Variants in PADI4 observed in about 807,000 individuals in gnomAD.
PADI4 encodes peptidyl arginine deiminase 4, also known as protein-arginine deiminase type-4.
Under a neutral mutation model 75.0 loss-of-function variants are expected in PADI4, and 62 were observed. That is an observed-to-expected ratio of 0.83 (90% CI 0.67 to 1.02). The LOEUF (loss-of-function observed/expected upper bound fraction) is 1.02. PADI4 is among the 50% of genes least tolerant of loss of function. The pLI, the probability that PADI4 is intolerant of heterozygous loss-of-function variation, is 0.00. For missense variants in PADI4, 845 were observed against 850.5 expected, an observed-to-expected ratio of 0.99 and a Z score of 0.08; for synonymous variants, 361 against 348.1, an observed-to-expected ratio of 1.04 and a Z score of -0.41.
At chr1:17,330,399 G>C (rs571530967) in intron 1 of PADI4, among the ~76,000 whole-genome samples, 4 of 152,266 alleles carry the variant, frequency 2.6e-5, no homozygotes, top group African/African-American at 9.6e-5. Context: ...TTATTAGGGA[G>C]AACTGGCTCA....
At position 17,359,407 on chromosome 1, in the gene PADI4, T is replaced by C; in HGVS notation, c.1757T>C (p.Met586Thr). 1 of 1,613,754 alleles carries C rather than the reference T, an allele frequency of 6.2e-7. No homozygotes were observed. The highest frequency in any genetic ancestry group is 8.5e-7 in the Non-Finnish European group (1 of 1,179,864). The change falls in exon 15 of 16, where the codon ATG becomes ACG. Residue 586 changes from methionine to threonine, a missense_variant and splice_region_variant. Physicochemically the swap from Met to Thr is moderately conservative, Grantham distance 81. Coordinates refer to ENST00000375448, the MANE Select transcript of PADI4 (RefSeq NM_012387.3). ...FSKAEAFFPN[M>T]VNMLVLGKHL... ...AAGGCGGAAGCTTTTTTCCCCAACATGGTGAGGAGGTGGCGGCTTTAAAAC... is the reference window on the plus strand; with the variant it reads ...AAGGCGGAAGCTTTTTTCCCCAACACGGTGAGGAGGTGGCGGCTTTAAAAC...
At chr1:17,360,767 A>G (rs111760817) in intron 15 of PADI4, among the ~76,000 whole-genome samples, 2,773 of 151,864 alleles carry the variant, frequency 0.018, 82 homozygotes, top group African/African-American at 0.063. Context: ...ATGCACCATA[A>G]CAGGGACACA....
At chr1:17,321,225 G>T (rs1427766701) in intron 1 of PADI4, among the ~76,000 whole-genome samples, 1 of 152,174 alleles carries the variant, frequency 6.6e-6, no homozygotes, top group Non-Finnish European at 1.5e-5. Flanking sequence ...CTCCAGATGA[G>T]GGGCAGGTGA....
rs147723249 is a variant in PADI4 at position 17,363,711 on chromosome 1, C to T, written c.1948C>T (p.Arg650Cys). 1.1e-5 allele frequency: 17 copies of T among 1,613,990 alleles called. No homozygotes were observed. The highest frequency in any genetic ancestry group is 1.7e-5 in the Admixed American group (1 of 60,012). Residue 650 changes from arginine to cysteine, a missense_variant, in exon 16 of 16, where the codon CGC (arginine) becomes TGC (cysteine). Coordinates refer to ENST00000375448, the MANE Select transcript of PADI4 (RefSeq NM_012387.3). ...GGAGGTGCACTGCGGCACCAACGTGCGCAGAAAGCCCTTCTCCTTCAAGTG... is the reference window on the plus strand; with the variant it reads ...GGAGGTGCACTGCGGCACCAACGTGTGCAGAAAGCCCTTCTCCTTCAAGTG... ...HGEVHCGTNV[R>C]RKPFSFKWWN...
intron 1 of PADI4, among the ~76,000 whole-genome samples, chr1:17,328,553 A>C (rs568744286): frequency 6.6e-6 from 1 of 152,158 alleles, no homozygotes; most frequent in African/African-American, 2.4e-5. Context: ...AGGCTGAGAC[A>C]TGAGGATCAC....
chr1:17,312,856 CTT>C (rs71014932), intron 1 of PADI4, among the ~76,000 whole-genome samples: 2,429 of 133,912 alleles, frequency 0.018, 34 homozygotes, highest in Non-Finnish European at 0.026. Context: ...AGATATGTAG[CTT>C]TTTTTTTTTT....
Position 17,363,700 on chromosome 1 carries a change from G to T in PADI4, c.1937G>T (p.Gly646Val). 1 of 1,614,188 alleles carries T rather than the reference G, an allele frequency of 6.2e-7. No individual in the cohort carries two copies. Among genetic ancestry groups the T allele is most frequent in the South Asian group, 1.1e-5 (1 of 91,090 alleles). The change falls in exon 16 of 16, where the codon GGC becomes GTC. Residue 646 changes from glycine to valine, a missense_variant. By Grantham distance (109) the Gly-to-Val change is moderately radical (BLOSUM62 -3). Transcript: ENST00000375448. ...YHIRHGEVHC[G>V]TNVRRKPFSF... Reference sequence around the variant, plus strand: ...ATCAGGCATGGGGAGGTGCACTGCGGCACCAACGTGCGCAGAAAGCCCTTC... The same window carrying T: ...ATCAGGCATGGGGAGGTGCACTGCGTCACCAACGTGCGCAGAAAGCCCTTC...
chr1:17,309,810 T>C (rs2073782660), intron 1 of PADI4, among the ~76,000 whole-genome samples: 1 of 152,204 alleles, frequency 6.6e-6, no homozygotes, highest in South Asian at 2.1e-4. Context: ...GAAAATCACC[T>C]GACATCATCT....
chr1:17,343,966 A>G (rs1308938948), intron 8 of PADI4, among the ~76,000 whole-genome samples: 1 of 152,224 alleles, frequency 6.6e-6, no homozygotes, highest in East Asian at 1.9e-4. Flanking sequence ...GGAACTGGGT[A>G]ACAGACAGAG....
chr1:17,351,045 T>G (rs1263659707), intron 10 of PADI4, among the ~76,000 whole-genome samples: 1 of 122,478 alleles, frequency 8.2e-6, no homozygotes, highest in Non-Finnish European at 1.8e-5. Context: ...AAAAATTGTT[T>G]CAATTAACTA....
chr1:17,342,401 A>G lies in PADI4; in HGVS notation c.934A>G (p.Ser312Gly). The G allele has an allele frequency of 6.3e-7, 1 of 1,599,302 alleles. No individual in the cohort carries two copies. The highest frequency in any genetic ancestry group is 8.6e-7 in the Non-Finnish European group (1 of 1,166,674). ...GCCCCCGCAGGAGGTGTACGCGTGC[A>G]GGTGAGAGGTCCTGGGGTGCTGGGG... ...TQPPQEVYAC[S>G]IFENEDFLKS... The change falls in exon 8 of 16, where the codon AGT becomes GGT. Residue 312 changes from serine to glycine, a missense_variant and splice_region_variant. Coordinates refer to ENST00000375448, the MANE Select transcript of PADI4 (RefSeq NM_012387.3).
chr1:17,315,899 A>G (rs546295382), intron 1 of PADI4, among the ~76,000 whole-genome samples: 1 of 151,842 alleles, frequency 6.6e-6, no homozygotes, highest in Non-Finnish European at 1.5e-5. Context: ...CGGTGACCTC[A>G]CAGCCCCCAG....
intron 10 of PADI4, among the ~76,000 whole-genome samples, chr1:17,351,994 TCAGGGAGGTGATGGG>T (rs1557576460): frequency 0.012 from 543 of 44,760 alleles, 77 homozygotes; most frequent in African/African-American, 0.071. Context: ...GGAGAGGCAG[TCAGGGAGGTGATGGG>T]AGGAGAGGCG....
chr1:17,327,321 T>C lies in PADI4; in HGVS notation c.93-3648T>C, dbSNP rs138973079. The stretch of plus-strand genomic sequence containing the variant: ...TCTCTATTGATACCAATGTGTTTTG[T>C]CTAATAATTCATTCTTTTGATATTA... On this transcript the variant is annotated intron_variant, in intron 1 of 15. Coordinates refer to ENST00000375448, the MANE Select transcript of PADI4 (RefSeq NM_012387.3). 5.5e-3 allele frequency among the ~76,000 whole-genome samples: 837 copies of C among 152,326 alleles called. 10 individuals carry two copies. Among genetic ancestry groups the C allele is most frequent in the African/African-American group, 0.019 (801 of 41,572 alleles).
intron 1 of PADI4, among the ~76,000 whole-genome samples, chr1:17,327,753 C>G (rs1256852811): frequency 6.6e-6 from 1 of 151,858 alleles, no homozygotes; most frequent in Non-Finnish European, 1.5e-5. Context: ...GCCACGTTGG[C>G]CAGGCCGGTC....
At chr1:17,360,972 C>A (rs1471436521) in intron 15 of PADI4, among the ~76,000 whole-genome samples, 2 of 152,188 alleles carry the variant, frequency 1.3e-5, no homozygotes, top group African/African-American at 4.8e-5. Context: ...ATTCCTTGGC[C>A]CCATTCCTCC....
intron 10 of PADI4, among the ~76,000 whole-genome samples, chr1:17,352,107 G>A (rs1285453150): frequency 6.8e-6 from 1 of 148,054 alleles, no homozygotes; most frequent in African/African-American, 2.5e-5. Context: ...GAGGTGGTAG[G>A]AGAGACTGTG....
chr1:17,318,530 A>G (rs961618501), intron 1 of PADI4, among the ~76,000 whole-genome samples: 3 of 152,110 alleles, frequency 2.0e-5, no homozygotes, highest in Admixed American at 6.5e-5. Context: ...TAAATGTCAA[A>G]CTCCCAAACG....
At chr1:17,329,111 TA>T (rs1466625207) in intron 1 of PADI4, among the ~76,000 whole-genome samples, 3 of 148,130 alleles carry the variant, frequency 2.0e-5, no homozygotes, top group African/African-American at 4.9e-5. Flanking sequence ...TTTATTAAGA[TA>T]TTTTTTGTAC....
Sources: allele counts gnomAD v4.1 joint callset (sites outside exome capture counted in the v4.1 genomes callset), GRCh38; gene constraint gnomAD v4.1.1; transcripts MANE v1.5; gene names NCBI Gene and HGNC (gene_info 2026-07-23, HGNC 2026-07-21).